WASF2: variants seen among roughly 807,000 people sequenced by gnomAD.
The protein encoded by WASF2 is WASP family member 2.
Under a neutral mutation model 45.0 loss-of-function variants are expected in WASF2, and 14 were observed. That is an observed-to-expected ratio of 0.31 (90% CI 0.21 to 0.49). WASF2 has a LOEUF of 0.49. Among genes scored for constraint, WASF2 ranks in the 20% least tolerant of loss-of-function variants. The pLI, the probability that WASF2 is intolerant of heterozygous loss-of-function variation, is 0.99. For missense variants in WASF2, 439 were observed against 636.1 expected (o/e 0.69, Z 3.33); for synonymous variants, 200 against 236.3 (o/e 0.85, Z 1.41).
intron 1 of WASF2, chr1:27,457,311 C>CA (rs2017482679): frequency 6.6e-6 from 1 of 152,102 alleles, no homozygotes; most frequent in Non-Finnish European, 1.5e-5. Flanking sequence ...AGCAGTGGCT[C>CA]ATGCCTATAA....
At chr1:27,464,950 AACTC>A (rs1485006656) in intron 1 of WASF2, among the ~76,000 whole-genome samples, 3 of 152,184 alleles carry the variant, frequency 2.0e-5, no homozygotes, top group African/African-American at 7.2e-5. Flanking sequence ...GCTGGTCTTG[AACTC>A]CTGACTTTGT....
Position 27,409,680 on chromosome 1 carries a change from A to C in WASF2, c.1339+12T>G, listed in dbSNP as rs1273420236. ...AAGGCTCCACAGTCCCAAACCCACC[A>C]TTGAAATTTACCTTGACGGATGGCT... On this transcript the variant is annotated intron_variant, in intron 8 of 8. Coordinates refer to ENST00000618852, the MANE Select transcript of WASF2 (RefSeq NM_006990.5). 1 of 1,489,940 alleles carries C rather than the reference A, an allele frequency of 6.7e-7. No homozygotes were observed. Among genetic ancestry groups the C allele is most frequent in the East Asian group, 2.3e-5 (1 of 42,676 alleles). The allele number at this position is 1,489,940 out of a possible 1,614,324, so 92.3% of individuals were successfully genotyped here.
At chr1:27,480,955 G>A (rs556505187) in intron 1 of WASF2, among the ~76,000 whole-genome samples, 3 of 150,932 alleles carry the variant, frequency 2.0e-5, no homozygotes, top group South Asian at 4.2e-4. Context: ...GGAGAATGGC[G>A]TGAACCTGGG....
chr1:27,458,601 CCT>C (rs2017504476), intron 1 of WASF2, among the ~76,000 whole-genome samples: 2 of 151,876 alleles, frequency 1.3e-5, no homozygotes, highest in Non-Finnish European at 2.9e-5. Context: ...TTGAGACCAG[CCT>C]GGCCAACATG....
At chr1:27,419,547 G>A (rs1030948403) in intron 2 of WASF2, among the ~76,000 whole-genome samples, 3 of 152,118 alleles carry the variant, frequency 2.0e-5, no homozygotes, top group African/African-American at 2.4e-5. Context: ...CTCGGGAGGC[G>A]GAGGTTGCAG....
intron 2 of WASF2, among the ~76,000 whole-genome samples, chr1:27,426,057 A>C (rs572867822): frequency 6.6e-6 from 1 of 152,104 alleles, no homozygotes; most frequent in Non-Finnish European, 1.5e-5. Context: ...AAAATGGAAG[A>C]CAGACTGTAG....
At chr1:27,415,722 G>C (rs1203200591) in intron 5 of WASF2, among the ~76,000 whole-genome samples, 1 of 151,904 alleles carries the variant, frequency 6.6e-6, no homozygotes, top group Non-Finnish European at 1.5e-5. Context: ...AGAAATAAAT[G>C]GTGAATAGAA....
At chr1:27,461,754 G>T (rs964466715) in intron 1 of WASF2, among the ~76,000 whole-genome samples, 1 of 151,786 alleles carries the variant, frequency 6.6e-6, no homozygotes, top group African/African-American at 2.4e-5. Flanking sequence ...GATTACAGGC[G>T]TGAGCCACCG....
chr1:27,415,808 T>C (rs183131127), intron 5 of WASF2, among the ~76,000 whole-genome samples, 177 bp downstream of exon 5: 8 of 152,304 alleles, frequency 5.3e-5, no homozygotes, highest in African/African-American at 1.9e-4. Flanking sequence ...ATTTTTGGTA[T>C]GATTTATACT....
intron 1 of WASF2, 68 bp from the exon 2 acceptor site, chr1:27,429,001 CT>C (rs201541202): frequency 0.23 from 165,312 of 709,040 alleles, 10 homozygotes; most frequent in South Asian, 0.26. Context: ...CTGTGTGAAT[CT>C]TTTTTTTTTT....
chr1:27,412,436 G>T, intron 7 of WASF2, 136 bp downstream of exon 7: 1 of 1,153,628 alleles, frequency 8.7e-7, no homozygotes. Flanking sequence ...TTGAACTTTT[G>T]GCCTCACGAG....
chr1:27,465,261 A>G (rs2017598828), intron 1 of WASF2, among the ~76,000 whole-genome samples: 1 of 152,214 alleles, frequency 6.6e-6, no homozygotes, highest in Admixed American at 6.5e-5. Flanking sequence ...AATAAAGACT[A>G]AGAAAACAGT....
intron 1 of WASF2, among the ~76,000 whole-genome samples, chr1:27,484,448 G>A (rs2017895657): frequency 6.6e-6 from 1 of 152,080 alleles, no homozygotes; most frequent in Non-Finnish European, 1.5e-5. Flanking sequence ...AATTGTGGAA[G>A]CTTCATAAAT....
At chr1:27,430,885 A>T (rs1401456360) in intron 1 of WASF2, among the ~76,000 whole-genome samples, 4 of 152,136 alleles carry the variant, frequency 2.6e-5, no homozygotes, top group Non-Finnish European at 4.4e-5. Flanking sequence ...CAAAACGTTG[A>T]CTGTGAATAC....
intron 1 of WASF2, among the ~76,000 whole-genome samples, chr1:27,433,362 C>G (rs1268382821): frequency 6.6e-6 from 1 of 152,150 alleles, no homozygotes; most frequent in Non-Finnish European, 1.5e-5. Context: ...TCTACGCGTA[C>G]TGGAGAAAAG....
In WASF2 at chr1:27,435,189, G is replaced by A. The variant is rs372129428; in HGVS notation, c.-43-6256C>T. Among the ~76,000 whole-genome samples the A allele has an allele frequency of 6.6e-5, 10 of 152,166 alleles. No individual in the cohort carries two copies. The East Asian group carries it at 1.5e-3, about 24-fold the overall frequency. On this transcript the variant is annotated intron_variant, in intron 1 of 8. Coordinates refer to ENST00000618852, the MANE Select transcript of WASF2 (RefSeq NM_006990.5). ...CTCGAACTCCTGACCTAAGTGATCC[G>A]CCCACCTTGGCCTCCCAAAGTGTTG... is the stretch of plus-strand genomic sequence containing the variant.
At chr1:27,465,271 T>A (rs2017598893) in intron 1 of WASF2, among the ~76,000 whole-genome samples, 1 of 152,198 alleles carries the variant, frequency 6.6e-6, no homozygotes, top group Admixed American at 6.5e-5. Flanking sequence ...AAGAAAACAG[T>A]GTAAATAAGA....
Position 27,414,681 on chromosome 1 carries a change from G to T in WASF2, c.668+152C>A. The T allele has an allele frequency of 1.0e-6, 1 of 991,418 alleles. No homozygotes were observed. Among genetic ancestry groups the T allele is most frequent in the East Asian group, 2.5e-5 (1 of 39,572 alleles). 61.4% of individuals were successfully genotyped at this position (991,418 alleles called of 1,614,324 possible). On this transcript the variant is annotated intron_variant, in intron 6 of 8. Transcript: ENST00000618852. The surrounding 1 kb of genome is among the most constrained non-coding windows in gnomAD (Gnocchi z 4.1). ...TTTAGCAAATTTTCATCACCAGATGGATGCACTTTAAAGTAGCTGATTAAC... is the reference window on the plus strand; with the variant it reads ...TTTAGCAAATTTTCATCACCAGATGTATGCACTTTAAAGTAGCTGATTAAC...
chr1:27,424,823 T>G (rs2148109426), intron 2 of WASF2, among the ~76,000 whole-genome samples: 1 of 152,272 alleles, frequency 6.6e-6, no homozygotes, highest in Middle Eastern at 3.4e-3. Flanking sequence ...TAATTTTTAA[T>G]TGAGACATAG....
Sources: allele counts gnomAD v4.1 joint callset (sites outside exome capture counted in the v4.1 genomes callset), GRCh38; gene constraint gnomAD v4.1.1; non-coding constraint Gnocchi (gnomAD v3.1); transcripts MANE v1.5; gene names NCBI Gene and HGNC (gene_info 2026-07-23, HGNC 2026-07-21).